Variants in CADM2 observed in about 807,000 individuals in gnomAD.
CADM2 encodes cell adhesion molecule 2.
CADM2 carries 12 observed loss-of-function variants against 49.8 expected under a neutral mutation model. That is an observed-to-expected ratio of 0.24 (90% CI 0.15 to 0.39). The LOEUF is 0.39. Ranked by LOEUF, CADM2 falls within the 10% of genes least tolerant of loss-of-function variation. The probability of loss-of-function intolerance (pLI) is 1.00; values close to 1 mark genes in which losing one functional copy is unlikely to be tolerated. For missense variants in CADM2, 378 were observed against 492.3 expected, an observed-to-expected ratio of 0.77 and a Z score of 2.20; for synonymous variants, 214 against 175.4, an observed-to-expected ratio of 1.22 and a Z score of -1.74.
intron 1 of CADM2, among the ~76,000 whole-genome samples, chr3:85,343,268 T>C (rs770721776): frequency 1.3e-5 from 2 of 152,116 alleles, no homozygotes; most frequent in Non-Finnish European, 2.9e-5. Flanking sequence ...CAACAACCCT[T>C]AGGATACACA....
chr3:85,460,733 G>GGTGT lies in CADM2; in HGVS notation c.62-265768_62-265765dup, dbSNP rs57401290. Among the ~76,000 whole-genome samples the GGTGT allele has an allele frequency of 1.1e-3, 160 of 148,930 alleles. No homozygotes were observed. In the East Asian group the frequency reaches 0.012, roughly 11 times the overall value. On this transcript the variant is annotated intron_variant, in intron 1 of 9. Transcript: ENST00000383699. Reference sequence around the variant, plus strand: ...TCGTGTGTGGGTGGGTGGGAGATGTGGTGTGTGTGTGTGTGTGTGTGTGTC... The same window carrying GGTGT: ...TCGTGTGTGGGTGGGTGGGAGATGTGGTGTGTGTGTGTGTGTGTGTGTGTGTGTC...
At chr3:85,689,564 G>T (rs1292779731) in intron 1 of CADM2, among the ~76,000 whole-genome samples, 2 of 152,182 alleles carry the variant, frequency 1.3e-5, no homozygotes, top group Non-Finnish European at 2.9e-5. Context: ...ATTGAGGGAT[G>T]GGTTAAATAG....
intron 1 of CADM2, among the ~76,000 whole-genome samples, chr3:85,016,315 A>T (rs1576039622): frequency 6.6e-6 from 1 of 152,216 alleles, no homozygotes; most frequent in African/African-American, 2.4e-5. Flanking sequence ...AGTAAAAAAG[A>T]GCCAAAACCA....
At chr3:85,788,812 G>GA (rs1271165053) in intron 2 of CADM2, among the ~76,000 whole-genome samples, 2 of 151,360 alleles carry the variant, frequency 1.3e-5, no homozygotes, top group Non-Finnish European at 2.9e-5. Flanking sequence ...TCACATATTT[G>GA]AAAAAATTCT....
intron 1 of CADM2, among the ~76,000 whole-genome samples, chr3:85,234,305 TATTA>T (rs896745095): frequency 3.9e-5 from 6 of 152,276 alleles, no homozygotes; most frequent in South Asian, 2.1e-4. Flanking sequence ...TAAATGGAAA[TATTA>T]ATTAAACAGC....
chr3:85,611,358 A>G (rs1052161711), intron 1 of CADM2, among the ~76,000 whole-genome samples: 40 of 151,828 alleles, frequency 2.6e-4, no homozygotes, highest in African/African-American at 9.7e-4. Context: ...AACCTTCTAG[A>G]ACATTGCCAA....
intron 1 of CADM2, among the ~76,000 whole-genome samples, chr3:85,202,239 C>T (rs2107748398): frequency 6.6e-6 from 1 of 152,204 alleles, no homozygotes; most frequent in South Asian, 2.1e-4. Context: ...TCATGAATCA[C>T]AAATTATCTT....
In CADM2 at chr3:85,652,772, C is replaced by CTTTTTTTTTTTTTTTTTTTTTTTT. The variant is rs34756757; in HGVS notation, c.62-73749_62-73726dup. ...TAACCTGAAAATCTTTTTTTCTTTT[C>CTTTTTTTTTTTTTTTTTTTTTTTT]TTTTTTTTTTTTTTTTTTTTTTTTA... On this transcript the variant is annotated intron_variant, in intron 1 of 9. Transcript: ENST00000383699. 6.9e-4 allele frequency among the ~76,000 whole-genome samples: 35 copies of CTTTTTTTTTTTTTTTTTTTTTTTT among 50,788 alleles called. 13 individuals carry two copies. The highest frequency in any genetic ancestry group is 1.4e-3 in the African/African-American group (18 of 12,758). The allele number at this position is 50,788 out of a possible 152,430, so 33.3% of individuals were successfully genotyped here.
intron 1 of CADM2, among the ~76,000 whole-genome samples, chr3:85,703,764 G>A (rs1338122896): frequency 6.6e-6 from 1 of 152,138 alleles, no homozygotes; most frequent in Non-Finnish European, 1.5e-5. Context: ...CGGAAACTTA[G>A]CATAATTCAA....
At chr3:85,897,414 C>T (rs112341558) in intron 5 of CADM2, among the ~76,000 whole-genome samples, 4,915 of 149,480 alleles carry the variant, frequency 0.033, 168 homozygotes, top group Middle Eastern at 0.049. Flanking sequence ...GGACTACAGG[C>T]GCCCGCCACC....
intron 1 of CADM2, among the ~76,000 whole-genome samples, chr3:85,700,571 C>T (rs1286521635): frequency 6.6e-6 from 1 of 152,162 alleles, no homozygotes; most frequent in Non-Finnish European, 1.5e-5. Context: ...ATTCAGGACA[C>T]ATCTTGAAAG....
chr3:85,628,857 C>A (rs1184792703), intron 1 of CADM2, among the ~76,000 whole-genome samples: 1 of 149,070 alleles, frequency 6.7e-6, no homozygotes. Context: ...GTTTCTTTGA[C>A]TCTTATCGTT....
At chr3:85,734,266 T>A (rs1485753745) in intron 2 of CADM2, among the ~76,000 whole-genome samples, 1 of 152,030 alleles carries the variant, frequency 6.6e-6, no homozygotes, top group Non-Finnish European at 1.5e-5. Flanking sequence ...GCATCACTCT[T>A]TGGGGACACT....
intron 6 of CADM2, among the ~76,000 whole-genome samples, chr3:85,926,283 C>T (rs1317116920): frequency 1.3e-5 from 2 of 151,904 alleles, no homozygotes; most frequent in African/African-American, 4.8e-5. Flanking sequence ...GTGGGGCTGT[C>T]CTATGTGCTG....
chr3:85,576,525 C>G (rs2062637816), intron 1 of CADM2, among the ~76,000 whole-genome samples: 1 of 151,600 alleles, frequency 6.6e-6, no homozygotes, highest in African/African-American at 2.4e-5. Flanking sequence ...AATGTTTACA[C>G]ACACATATGG....
rs58177574 is a variant in CADM2, at chr3:85,107,631, T to TTCTTTTTC, written c.61+147964_61+147965insCTTTTTCT. 4.3e-3 allele frequency among the ~76,000 whole-genome samples: 591 copies of TTCTTTTTC among 137,918 alleles called. 3 individuals are homozygous for TTCTTTTTC. Among genetic ancestry groups the TTCTTTTTC allele is most frequent in the African/African-American group, 0.015 (566 of 38,472 alleles). 90.5% of individuals were successfully genotyped at this position (137,918 alleles called of 152,430 possible). Reference sequence around the variant, plus strand: ...TCTTTTTCTTTCTTTCTTTCTTTCTTTTTCTTTCTTTCTTTCTTTCTTTCT... The same window carrying TTCTTTTTC: ...TCTTTTTCTTTCTTTCTTTCTTTCTTTCTTTTTCTTTCTTTCTTTCTTTCTTTCTTTCT... On this transcript the variant is annotated intron_variant, in intron 1 of 9. Coordinates refer to ENST00000383699, the MANE Select transcript of CADM2 (RefSeq NM_001167675.2).
chr3:85,797,791 G>T (rs1332523697), intron 2 of CADM2, among the ~76,000 whole-genome samples: 3 of 152,062 alleles, frequency 2.0e-5, no homozygotes, highest in African/African-American at 7.2e-5. Context: ...GGGATTGCTG[G>T]GTCAAATGGT....
chr3:86,001,058 G>T (rs1373793383), intron 8 of CADM2, among the ~76,000 whole-genome samples: 1 of 152,114 alleles, frequency 6.6e-6, no homozygotes, highest in African/African-American at 2.4e-5. Flanking sequence ...AAGGTACAAT[G>T]ATTAATATTA....
At chr3:85,472,628 T>C (rs1024764731) in intron 1 of CADM2, among the ~76,000 whole-genome samples, 1 of 152,156 alleles carries the variant, frequency 6.6e-6, no homozygotes, top group Non-Finnish European at 1.5e-5. Context: ...TATTCTCCTT[T>C]GGCTTGGATA....
Sources: allele counts gnomAD v4.1 joint callset (sites outside exome capture counted in the v4.1 genomes callset), GRCh38; gene constraint gnomAD v4.1.1; transcripts MANE v1.5; gene names NCBI Gene and HGNC (gene_info 2026-07-23, HGNC 2026-07-21).